IGSF10: variants seen among roughly 807,000 people sequenced by gnomAD.
IGSF10 encodes immunoglobulin superfamily member 10.
IGSF10 carries 126 observed loss-of-function variants against 128.2 expected under a neutral mutation model. The ratio of observed to expected loss-of-function variants is 0.98; its 90% CI spans 0.85 to 1.14. The LOEUF is 1.14. IGSF10 is among the 50% of genes most tolerant of loss of function. The pLI is 0.00. For missense variants in IGSF10, 3,295 were observed against 3,149.8 expected, an observed-to-expected ratio of 1.05 and a Z score of -1.10; for synonymous variants, 1,185 against 1,146.2, an observed-to-expected ratio of 1.03 and a Z score of -0.68.
chr3:151,501,251 G>A, the IGSF10 span, among the ~76,000 whole-genome samples: 5 of 151,798 alleles, frequency 3.3e-5, no homozygotes, highest in Admixed American at 6.6e-5. Flanking sequence ...CCTGTCTTCC[G>A]CACTTTTGTT....
At chr3:151,607,754 A>G in the IGSF10 span, among the ~76,000 whole-genome samples, 8 of 151,656 alleles carry the variant, frequency 5.3e-5, no homozygotes, top group African/African-American at 1.9e-4. Context: ...TACTAAAAAT[A>G]CAAAAAATTA....
chr3:151,606,970 A>G, the IGSF10 span, among the ~76,000 whole-genome samples: 1 of 152,160 alleles, frequency 6.6e-6, no homozygotes, highest in Non-Finnish European at 1.5e-5. Flanking sequence ...TTGTCAATGG[A>G]TGGAGAATTT....
At chr3:151,593,439 T>A in the IGSF10 span, among the ~76,000 whole-genome samples, 1 of 151,996 alleles carries the variant, frequency 6.6e-6, no homozygotes, top group Non-Finnish European at 1.5e-5. Flanking sequence ...TGGCTTTCTG[T>A]GAGATAGGTA....
the IGSF10 span, among the ~76,000 whole-genome samples, chr3:151,528,470 G>C: frequency 6.6e-6 from 1 of 152,208 alleles, no homozygotes; most frequent in Non-Finnish European, 1.5e-5. Flanking sequence ...TGATGCAGAA[G>C]GCAGGTGATT....
the IGSF10 span, among the ~76,000 whole-genome samples, chr3:151,597,324 C>T: frequency 3.9e-5 from 6 of 152,138 alleles, no homozygotes; most frequent in Middle Eastern, 0.014. Context: ...GTTAGTGCTA[C>T]GAAGGACAAA....
chr3:151,614,672 G>C, the IGSF10 span, among the ~76,000 whole-genome samples: 1 of 152,052 alleles, frequency 6.6e-6, no homozygotes, highest in Admixed American at 6.5e-5. Flanking sequence ...GGACTGTTGT[G>C]GGGTGGGGAG....
At chr3:151,515,324 T>C in the IGSF10 span, among the ~76,000 whole-genome samples, 1 of 151,578 alleles carries the variant, frequency 6.6e-6, no homozygotes, top group Non-Finnish European at 1.5e-5. Context: ...TGTATGGACA[T>C]GGATGAAGCT....
At chr3:151,545,001 T>C in the IGSF10 span, among the ~76,000 whole-genome samples, 2 of 152,186 alleles carry the variant, frequency 1.3e-5, no homozygotes, top group Non-Finnish European at 2.9e-5. Context: ...TTCATATCTG[T>C]TGAATTTTCT....
chr3:151,442,687 C>A (rs1315755289), intron 7 of IGSF10, among the ~76,000 whole-genome samples: 4 of 151,930 alleles, frequency 2.6e-5, no homozygotes, highest in Non-Finnish European at 4.4e-5. Flanking sequence ...CCGTGCCTGT[C>A]CTACAGTTAC....
At chr3:151,478,361 T>A in the IGSF10 span, among the ~76,000 whole-genome samples, 8 of 152,230 alleles carry the variant, frequency 5.3e-5, no homozygotes, top group African/African-American at 1.9e-4. Context: ...GGGAACAGTT[T>A]AAGGGTTTTC....
the IGSF10 span, among the ~76,000 whole-genome samples, chr3:151,469,599 C>A: frequency 1.3e-5 from 2 of 152,096 alleles, no homozygotes; most frequent in Non-Finnish European, 2.9e-5. Flanking sequence ...GCCTGTAATA[C>A]CCCTGATCTC....
chr3:151,446,905 A>T lies in IGSF10; in HGVS notation c.3076T>A (p.Tyr1026Asn). ...IGGRGRIISP[Y>N]RTPVLRRHRY... ...TGCCGTCGCAGAACTGGAGTTCTAT[A>T]TGGGCTGATAATCCGCCCCCTTCCG... The change falls in exon 6 of 8, where the codon TAT (tyrosine) becomes AAT (asparagine). Residue 1026 changes from tyrosine to asparagine, a missense_variant. Coordinates refer to ENST00000282466, the MANE Select transcript of IGSF10 (RefSeq NM_178822.5). 1 of 1,614,140 alleles carries T rather than the reference A, an allele frequency of 6.2e-7. No homozygotes were observed. Among genetic ancestry groups the T allele is most frequent in the South Asian group, 1.1e-5 (1 of 91,082 alleles).
At chr3:151,493,358 T>C in the IGSF10 span, among the ~76,000 whole-genome samples, 3 of 152,322 alleles carry the variant, frequency 2.0e-5, no homozygotes, top group Non-Finnish European at 4.4e-5. Context: ...TTACTATCTA[T>C]AGTCATGTGT....
the IGSF10 span, among the ~76,000 whole-genome samples, chr3:151,482,036 C>A: frequency 6.6e-6 from 1 of 152,202 alleles, no homozygotes; most frequent in East Asian, 1.9e-4. Flanking sequence ...AGCACATCTG[C>A]AGATAAAAGT....
chr3:151,541,080 G>T, the IGSF10 span, among the ~76,000 whole-genome samples: 1 of 152,098 alleles, frequency 6.6e-6, no homozygotes, highest in East Asian at 1.9e-4. Context: ...TGGAACAAAT[G>T]ATTCCGTTTA....
chr3:151,567,992 A>AC, the IGSF10 span, among the ~76,000 whole-genome samples: 1 of 151,684 alleles, frequency 6.6e-6, no homozygotes, highest in Non-Finnish European at 1.5e-5. Flanking sequence ...ATCAAAACAA[A>AC]CCCCAGTACA....
At chr3:151,502,154 G>A in the IGSF10 span, among the ~76,000 whole-genome samples, 1 of 151,970 alleles carries the variant, frequency 6.6e-6, no homozygotes, top group Non-Finnish European at 1.5e-5. Context: ...ACGGAACCAA[G>A]TGTTCAGTAA....
the IGSF10 span, among the ~76,000 whole-genome samples, chr3:151,535,716 C>A: frequency 6.6e-6 from 1 of 152,060 alleles, no homozygotes; most frequent in African/African-American, 2.4e-5. Context: ...GTCAGGAAAT[C>A]TTTCAATTCT....
At chr3:151,588,181 T>A in the IGSF10 span, among the ~76,000 whole-genome samples, 1 of 152,216 alleles carries the variant, frequency 6.6e-6, no homozygotes, top group Non-Finnish European at 1.5e-5. Flanking sequence ...TTCAGTTAGA[T>A]TCATGTGTCA....
Sources: gnomAD v4.1 joint callset for allele counts (sites outside exome capture counted in the v4.1 genomes callset) on GRCh38, gnomAD v4.1.1 for gene constraint, MANE v1.5 for transcripts, NCBI Gene and HGNC (gene_info 2026-07-23, HGNC 2026-07-21) for gene names.